The following SHISA9 variants were observed in gnomAD, a reference collection of about 807,000 sequenced individuals.
SHISA9 encodes the protein protein shisa-9.
SHISA9 carries 13 observed loss-of-function variants against 38.0 expected under a neutral mutation model. The observed-to-expected ratio is 0.34, with a 90% CI of 0.22 to 0.54. The LOEUF is 0.54. Among genes scored for constraint, SHISA9 ranks in the 20% least tolerant of loss-of-function variants. SHISA9 has a pLI of 0.91. For synonymous variants in SHISA9, 275 were observed against 242.0 expected, an observed-to-expected ratio of 1.14 and a Z score of -1.27; for missense variants, 538 against 575.8, an observed-to-expected ratio of 0.93 and a Z score of 0.67.
At chr16:13,104,607 C>T (rs1261320117) in intron 2 of SHISA9, among the ~76,000 whole-genome samples, 3 of 152,070 alleles carry the variant, frequency 2.0e-5, no homozygotes, top group Non-Finnish European at 4.4e-5. Context: ...TGTATAGGCT[C>T]GTGTTGCAGA....
intron 2 of SHISA9, among the ~76,000 whole-genome samples, chr16:13,179,346 C>G (rs530591239): frequency 6.6e-6 from 1 of 152,044 alleles, no homozygotes. Context: ...AAAACAAAAT[C>G]TCTCTGATGT....
At chr16:13,019,056 G>C (rs541461895) in intron 2 of SHISA9, among the ~76,000 whole-genome samples, 1 of 152,146 alleles carries the variant, frequency 6.6e-6, no homozygotes, top group African/African-American at 2.4e-5. Flanking sequence ...CTGTAGTGCC[G>C]TGGCACGATC....
At chr16:13,554,577 C>T in the SHISA9 span, among the ~76,000 whole-genome samples, 37 of 150,830 alleles carry the variant, frequency 2.5e-4, no homozygotes, top group East Asian at 4.7e-3. Context: ...CTGCAACCTC[C>T]GCTTCCCAGG....
the SHISA9 span, among the ~76,000 whole-genome samples, chr16:13,351,791 A>C: frequency 0.79 from 120,289 of 152,170 alleles, 47,749 homozygotes; most frequent in East Asian, 0.96. Context: ...TAACACAAGG[A>C]TTGGTTGCTA....
the SHISA9 span, among the ~76,000 whole-genome samples, chr16:13,400,504 A>G: frequency 6.6e-6 from 1 of 152,098 alleles, no homozygotes; most frequent in Admixed American, 6.5e-5. Flanking sequence ...TGTTTTTTGC[A>G]GAAGACCAAG....
the SHISA9 span, among the ~76,000 whole-genome samples, chr16:13,311,258 G>A: frequency 1.3e-5 from 2 of 151,560 alleles, no homozygotes; most frequent in East Asian, 1.9e-4. Context: ...TATGTATCTC[G>A]TATATATGTG....
At chr16:13,079,081 A>G (rs533554297) in intron 2 of SHISA9, among the ~76,000 whole-genome samples, 3 of 152,208 alleles carry the variant, frequency 2.0e-5, no homozygotes, top group African/African-American at 7.2e-5. Context: ...AAACGTGGCT[A>G]ATAGAACTTT....
intron 2 of SHISA9, among the ~76,000 whole-genome samples, chr16:12,925,912 G>C (rs1009235645): frequency 3.8e-4 from 58 of 152,142 alleles, no homozygotes; most frequent in African/African-American, 1.3e-3. Context: ...TTTTAGTAGA[G>C]ATGGGGTCTC....
intron 3 of SHISA9, among the ~76,000 whole-genome samples, chr16:13,206,785 C>T (rs966798457): frequency 4.6e-5 from 7 of 152,184 alleles, no homozygotes; most frequent in African/African-American, 1.7e-4. Context: ...TCGTTATGTC[C>T]CATGACCACA....
the SHISA9 span, among the ~76,000 whole-genome samples, chr16:13,506,203 T>C: frequency 6.6e-6 from 1 of 152,216 alleles, no homozygotes; most frequent in African/African-American, 2.4e-5. Context: ...TTTGTCAAGT[T>C]CTTTTTTCAT....
At chr16:13,288,642 A>G in the SHISA9 span, among the ~76,000 whole-genome samples, 1 of 152,020 alleles carries the variant, frequency 6.6e-6, no homozygotes, top group Non-Finnish European at 1.5e-5. Flanking sequence ...AAAAATAGAA[A>G]AATTAGCTGT....
At chr16:13,544,938 G>A in the SHISA9 span, among the ~76,000 whole-genome samples, 8 of 151,764 alleles carry the variant, frequency 5.3e-5, no homozygotes, top group East Asian at 1.9e-4. Context: ...GTGAGACTCC[G>A]TCAAAAAAAA....
the SHISA9 span, among the ~76,000 whole-genome samples, chr16:13,379,477 C>T: frequency 1.8e-4 from 27 of 152,200 alleles, no homozygotes; most frequent in African/African-American, 6.0e-4. Context: ...CTGCTCCAGC[C>T]TGCCTTTCCT....
the SHISA9 span, among the ~76,000 whole-genome samples, chr16:13,424,673 C>T: frequency 6.6e-6 from 1 of 152,160 alleles, no homozygotes; most frequent in Non-Finnish European, 1.5e-5. Flanking sequence ...TTTTGCAAGC[C>T]ATAATGTCTC....
At chr16:13,335,763 G>A in the SHISA9 span, among the ~76,000 whole-genome samples, 1 of 152,088 alleles carries the variant, frequency 6.6e-6, no homozygotes, top group Admixed American at 6.6e-5. Flanking sequence ...ATTTTGGGGG[G>A]GATCGGAGAC....
chr16:13,313,623 A>G, the SHISA9 span, among the ~76,000 whole-genome samples: 2 of 152,254 alleles, frequency 1.3e-5, no homozygotes, highest in African/African-American at 2.4e-5. Flanking sequence ...TCACTATTGA[A>G]AAGGAAACAT....
intron 2 of SHISA9, among the ~76,000 whole-genome samples, chr16:13,010,452 T>C (rs1232160595): frequency 6.6e-6 from 1 of 152,198 alleles, no homozygotes; most frequent in Non-Finnish European, 1.5e-5. Flanking sequence ...GACTTAACAC[T>C]GTCTCTGAGG....
chr16:13,412,762 TAGG>T, the SHISA9 span, among the ~76,000 whole-genome samples: 1 of 151,312 alleles, frequency 6.6e-6, no homozygotes, highest in South Asian at 2.1e-4. Flanking sequence ...GATGCTGAGG[TAGG>T]AGGATCACTT....
At chr16:12,992,991 C>T (rs930424622) in intron 2 of SHISA9, among the ~76,000 whole-genome samples, 2 of 152,194 alleles carry the variant, frequency 1.3e-5, no homozygotes, top group African/African-American at 4.8e-5. Context: ...GTAGGATTGT[C>T]TGTGCAAACC....
Sources: gnomAD v4.1 joint callset for allele counts (sites outside exome capture counted in the v4.1 genomes callset) on GRCh38, gnomAD v4.1.1 for gene constraint, MANE v1.5 for transcripts, NCBI Gene and HGNC (gene_info 2026-07-23, HGNC 2026-07-21) for gene names.